The following PRKN variants were observed in gnomAD, a reference collection of about 807,000 sequenced individuals.
The protein encoded by PRKN is parkin RBR E3 ubiquitin protein ligase.
A neutral mutation model predicts 59.5 loss-of-function variants in PRKN; 56 were observed. The observed-to-expected ratio is 0.94, with a 90% CI of 0.76 to 1.18. The LOEUF is 1.18. Among genes scored for constraint, PRKN ranks in the 50% most tolerant of loss-of-function variants. PRKN has a pLI of 0.00. For synonymous variants in PRKN, 250 were observed against 222.1 expected (o/e 1.13, Z -1.12); for missense variants, 657 against 596.4 (o/e 1.10, Z -1.06).
At chr6:161,524,523 T>C (rs1778950231) in intron 9 of PRKN, among the ~76,000 whole-genome samples, 1 of 152,032 alleles carries the variant, frequency 6.6e-6, no homozygotes, top group Admixed American at 6.6e-5. Context: ...TTTTTTTTAG[T>C]ATATTTGGTA....
Position 162,309,500 on chromosome 6 carries a change from G to A in PRKN, c.172-46735C>T, listed in dbSNP as rs544531440. Among the ~76,000 whole-genome samples, 14 of 152,262 alleles carry A rather than the reference G, an allele frequency of 9.2e-5. No individual in the cohort carries two copies. In the South Asian group the frequency reaches 2.7e-3, roughly 29 times the overall value. ...AGATGCTCCTGAATCTGACATCCAGGGGGATAGGATCAGCTGCCTTCTTGG... is the reference window on the plus strand; with the variant it reads ...AGATGCTCCTGAATCTGACATCCAGAGGGATAGGATCAGCTGCCTTCTTGG... On this transcript the variant is annotated intron_variant, in intron 2 of 11. Transcript: ENST00000366898.
chr6:161,783,213 G>T (rs1790282213), intron 7 of PRKN, among the ~76,000 whole-genome samples: 1 of 151,906 alleles, frequency 6.6e-6, no homozygotes, highest in Admixed American at 6.6e-5. Context: ...ACTTTTCAAT[G>T]AAAATTTGGT....
intron 9 of PRKN, among the ~76,000 whole-genome samples, chr6:161,464,604 G>A (rs934501475): frequency 6.6e-6 from 1 of 152,138 alleles, no homozygotes; most frequent in African/African-American, 2.4e-5. Flanking sequence ...TGCCCACCTA[G>A]CCTAAGGAAA....
chr6:162,686,426 TTTTG>T (rs560076468), intron 1 of PRKN, among the ~76,000 whole-genome samples: 2 of 152,284 alleles, frequency 1.3e-5, no homozygotes, highest in African/African-American at 2.4e-5. Flanking sequence ...TTTTGTTTTG[TTTTG>T]TTTTTCTTTT....
intron 3 of PRKN, among the ~76,000 whole-genome samples, chr6:162,205,629 G>A (rs1784904042): frequency 1.3e-5 from 2 of 152,118 alleles, no homozygotes; most frequent in South Asian, 4.1e-4. Flanking sequence ...GATTTTAAGT[G>A]ATATTTATCA....
intron 5 of PRKN, among the ~76,000 whole-genome samples, chr6:161,997,521 C>A (rs1781892673): frequency 6.6e-6 from 1 of 152,084 alleles, no homozygotes; most frequent in Admixed American, 6.6e-5. Flanking sequence ...TCAGTACCAG[C>A]CAGCTAGATG....
chr6:161,630,345 C>T (rs538048964), intron 7 of PRKN, among the ~76,000 whole-genome samples: 42 of 152,030 alleles, frequency 2.8e-4, no homozygotes, highest in Non-Finnish European at 5.1e-4. Flanking sequence ...CCTGTAGAGC[C>T]GTAGATGAGA....
chr6:162,133,454 G>A (rs1407253673), intron 4 of PRKN, among the ~76,000 whole-genome samples: 3 of 152,138 alleles, frequency 2.0e-5, no homozygotes, highest in African/African-American at 7.2e-5. Context: ...GGCAGGTTTG[G>A]CAGGAAGTAT....
chr6:161,498,601 A>T lies in PRKN; in HGVS notation c.1083+50253T>A, dbSNP rs1225546261. Among the ~76,000 whole-genome samples the T allele has an allele frequency of 1.3e-5, 2 of 152,052 alleles. No individual in the cohort carries two copies. The highest frequency in any genetic ancestry group is 2.4e-5 in the African/African-American group (1 of 41,386). On this transcript the variant is annotated intron_variant, in intron 9 of 11. Coordinates refer to ENST00000366898, the MANE Select transcript of PRKN (RefSeq NM_004562.3). The surrounding 1 kb of genome is among the most constrained non-coding windows in gnomAD (Gnocchi z 4.2). Reference sequence around the variant, plus strand: ...GAGGCCAGAGCCTTTAATTTCTGGCACTCAACTCTCCATCCCTCCCACCAT... The same window carrying T: ...GAGGCCAGAGCCTTTAATTTCTGGCTCTCAACTCTCCATCCCTCCCACCAT...
intron 3 of PRKN, among the ~76,000 whole-genome samples, chr6:162,208,977 C>G (rs1254480732): frequency 6.6e-6 from 1 of 152,124 alleles, no homozygotes; most frequent in African/African-American, 2.4e-5. Flanking sequence ...AAATGTCAGA[C>G]CTAAAACCAT....
chr6:162,719,906 A>AC (rs1562523773), intron 1 of PRKN, among the ~76,000 whole-genome samples: 1 of 3,856 alleles, frequency 2.6e-4, no homozygotes, highest in African/African-American at 1.3e-3. Flanking sequence ...AAAAAAAAAA[A>AC]AAAAAAAAAA....
intron 5 of PRKN, among the ~76,000 whole-genome samples, chr6:162,040,406 C>T (rs1484552031): frequency 7.2e-6 from 1 of 139,732 alleles, no homozygotes; most frequent in Non-Finnish European, 1.6e-5. Flanking sequence ...ATTAGAACCA[C>T]TTTTTTTTTT....
chr6:162,531,276 T>G (rs563655749), intron 1 of PRKN, among the ~76,000 whole-genome samples: 1 of 152,188 alleles, frequency 6.6e-6, no homozygotes, highest in African/African-American at 2.4e-5. Context: ...GAGAATCTCT[T>G]GTGTAACCGT....
At chr6:162,007,687 C>T (rs1274093750) in intron 5 of PRKN, among the ~76,000 whole-genome samples, 5 of 151,998 alleles carry the variant, frequency 3.3e-5, no homozygotes, top group African/African-American at 7.3e-5. Context: ...ACATTATTAC[C>T]TTAATGATAT....
chr6:161,943,057 A>T (rs1284042184), intron 6 of PRKN, among the ~76,000 whole-genome samples: 1 of 152,226 alleles, frequency 6.6e-6, no homozygotes, highest in Admixed American at 6.5e-5. Flanking sequence ...AGCTAAAATG[A>T]TATCAAACTT....
intron 4 of PRKN, among the ~76,000 whole-genome samples, chr6:162,165,065 T>C (rs1203647865): frequency 6.7e-6 from 1 of 148,908 alleles, no homozygotes; most frequent in Non-Finnish European, 1.5e-5. Flanking sequence ...GACCTACACA[T>C]ACATGACATG....
At chr6:162,566,410 G>A (rs749148289) in intron 1 of PRKN, among the ~76,000 whole-genome samples, 22 of 151,982 alleles carry the variant, frequency 1.4e-4, no homozygotes, top group Admixed American at 8.5e-4. Flanking sequence ...AAGAAAAAAA[G>A]AGAGAAGATC....
chr6:162,117,469 A>G (rs1426681258), intron 4 of PRKN, among the ~76,000 whole-genome samples: 1 of 152,222 alleles, frequency 6.6e-6, no homozygotes, highest in East Asian at 1.9e-4. Context: ...AGACTGCGAG[A>G]AAGACCTATG....
chr6:161,869,202 A>C (rs2128226274), intron 6 of PRKN, among the ~76,000 whole-genome samples: 2 of 152,200 alleles, frequency 1.3e-5, no homozygotes, highest in Admixed American at 1.3e-4. Context: ...AACATGACGA[A>C]ACCCCATGTC....
Sources: gnomAD v4.1 joint callset for allele counts (sites outside exome capture counted in the v4.1 genomes callset) on GRCh38, gnomAD v4.1.1 for gene constraint, Gnocchi (gnomAD v3.1) non-coding constraint, MANE v1.5 for transcripts, NCBI Gene and HGNC (gene_info 2026-07-23, HGNC 2026-07-21) for gene names.